The following CNTNAP4 variants were observed in gnomAD, a reference collection of about 807,000 sequenced individuals.
CNTNAP4 encodes contactin associated protein family member 4, also known as contactin-associated protein-like 4.
A neutral mutation model predicts 148.4 loss-of-function variants in CNTNAP4; 98 were observed. The ratio of observed to expected loss-of-function variants is 0.66; its 90% CI spans 0.56 to 0.78. CNTNAP4 has a LOEUF of 0.78. Ranked by LOEUF, CNTNAP4 falls within the 30% of genes least tolerant of loss-of-function variation. The pLI is 0.00. For missense variants in CNTNAP4, 1,935 were observed against 1,565.6 expected (o/e 1.24, Z -3.98); for synonymous variants, 730 against 565.1 (o/e 1.29, Z -4.14).
intron 1 of CNTNAP4, among the ~76,000 whole-genome samples, chr16:76,307,373 G>A (rs1195797144): frequency 6.6e-6 from 1 of 151,724 alleles, no homozygotes; most frequent in Non-Finnish European, 1.5e-5. Flanking sequence ...GCTGAGGTGT[G>A]TGTGATGAAA....
At chr16:76,283,774 A>G (rs1178270364) in intron 1 of CNTNAP4, among the ~76,000 whole-genome samples, 13 of 152,064 alleles carry the variant, frequency 8.5e-5, no homozygotes, top group Admixed American at 8.5e-4. Flanking sequence ...AAGTTTACTT[A>G]TGTAACAAAC....
intron 3 of CNTNAP4, among the ~76,000 whole-genome samples, chr16:76,395,699 C>T (rs537799700): frequency 9.7e-4 from 147 of 152,024 alleles, no homozygotes; most frequent in Admixed American, 2.6e-3. Flanking sequence ...GTAACAGTCA[C>T]CAGCATCACT....
chr16:76,352,325 C>T (rs2011916536), intron 2 of CNTNAP4, among the ~76,000 whole-genome samples: 1 of 152,150 alleles, frequency 6.6e-6, no homozygotes, highest in African/African-American at 2.4e-5. Flanking sequence ...CCATGTCCAT[C>T]ATGTGCCTAT....
chr16:76,511,807 A>T (rs540608314), intron 15 of CNTNAP4, among the ~76,000 whole-genome samples: 68 of 150,638 alleles, frequency 4.5e-4, no homozygotes, highest in African/African-American at 1.6e-3. Context: ...ATAGATAAAA[A>T]TATCGGTATT....
At chr16:76,494,042 C>T (rs948699895) in intron 13 of CNTNAP4, among the ~76,000 whole-genome samples, 2 of 151,468 alleles carry the variant, frequency 1.3e-5, no homozygotes. Flanking sequence ...TTACATTCTT[C>T]TCATGCCCTG....
At chr16:76,329,850 A>T (rs1963349154) in intron 2 of CNTNAP4, among the ~76,000 whole-genome samples, 1 of 152,230 alleles carries the variant, frequency 6.6e-6, no homozygotes, top group African/African-American at 2.4e-5. Flanking sequence ...ATCTGACTGT[A>T]TTAAAATGAA....
chr16:76,373,152 G>T lies in CNTNAP4; in HGVS notation c.390+17641G>T, dbSNP rs558378453. On this transcript the variant is annotated intron_variant, in intron 3 of 23. Transcript: ENST00000611870. ...TAGGTGAATATATTCCACATAAATA[G>T]GTGAATATATTCCACATAAATAGGT... Among the ~76,000 whole-genome samples, 5 of 149,804 alleles carry T rather than the reference G, an allele frequency of 3.3e-5. No individual in the cohort carries two copies. The East Asian group carries it at 9.9e-4, about 30-fold the overall frequency.
chr16:76,291,011 G>A (rs1181189168), intron 1 of CNTNAP4, among the ~76,000 whole-genome samples: 1 of 152,012 alleles, frequency 6.6e-6, no homozygotes, highest in Non-Finnish European at 1.5e-5. Context: ...CTTATAAGGG[G>A]CCAGTCTTAT....
intron 13 of CNTNAP4, among the ~76,000 whole-genome samples, chr16:76,490,536 T>C (rs1282484549): frequency 2.0e-5 from 3 of 152,228 alleles, no homozygotes; most frequent in African/African-American, 4.8e-5. Flanking sequence ...GAGCTAATTC[T>C]TGAAGTCACT....
chr16:76,493,941 C>G (rs924326670), intron 13 of CNTNAP4, among the ~76,000 whole-genome samples: 2 of 152,144 alleles, frequency 1.3e-5, no homozygotes, highest in Admixed American at 1.3e-4. Flanking sequence ...ATCCCAGATT[C>G]TCAGTAGGGC....
chr16:76,340,832 G>T (rs577062844), intron 2 of CNTNAP4, among the ~76,000 whole-genome samples: 1 of 152,202 alleles, frequency 6.6e-6, no homozygotes, highest in South Asian at 2.1e-4. Flanking sequence ...GCTAAAATTT[G>T]ATCAAGGAGA....
At chr16:76,550,641 TTTTTA>T (rs1318661459) in intron 21 of CNTNAP4, among the ~76,000 whole-genome samples, 1 of 150,338 alleles carries the variant, frequency 6.7e-6, no homozygotes, top group Non-Finnish European at 1.5e-5. Flanking sequence ...TTCTTTTTAA[TTTTTA>T]TTTTCTTTTT....
In CNTNAP4 at chr16:76,522,164, G is replaced by A; in HGVS notation, c.2662G>A (p.Ala888Thr). Residue 888 changes from alanine to threonine, a missense_variant, in exon 17 of 24, where the codon GCC becomes ACC. Transcript: ENST00000611870. ...HVRVERNMKEASLQVDQLTPK... is the reference protein window; with the variant it reads ...HVRVERNMKETSLQVDQLTPK... The stretch of plus-strand genomic sequence containing the variant: ...GAGGGTTGAAAGGAACATGAAGGAG[G>A]CCTCCCTTCAAGTGGATCAGCTGAC... 1 of 1,613,888 alleles carries A rather than the reference G, an allele frequency of 6.2e-7. No individual in the cohort carries two copies. The highest frequency in any genetic ancestry group is 8.5e-7 in the Non-Finnish European group (1 of 1,179,848).
At chr16:76,402,782 G>C (rs1009598257) in intron 3 of CNTNAP4, among the ~76,000 whole-genome samples, 6 of 152,094 alleles carry the variant, frequency 3.9e-5, no homozygotes, top group African/African-American at 1.4e-4. Context: ...CTTGATTTCA[G>C]CCTTAATTTC....
intron 17 of CNTNAP4, among the ~76,000 whole-genome samples, chr16:76,522,578 C>A (rs927104083): frequency 5.0e-5 from 7 of 140,080 alleles, no homozygotes; most frequent in African/African-American, 1.8e-4. Flanking sequence ...TGCCGCCCTC[C>A]TTTCTTTCTC....
At chr16:76,535,106 C>A (rs536468637) in intron 17 of CNTNAP4, among the ~76,000 whole-genome samples, 3 of 152,240 alleles carry the variant, frequency 2.0e-5, no homozygotes, top group Admixed American at 1.3e-4. Context: ...ATCAGAAGAT[C>A]TCAAGGACTC....
At chr16:76,484,986 G>C (rs1224281236) in intron 12 of CNTNAP4, among the ~76,000 whole-genome samples, 2 of 152,154 alleles carry the variant, frequency 1.3e-5, no homozygotes, top group Admixed American at 6.5e-5. Flanking sequence ...TCTCTATTTT[G>C]AATGGATAAT....
At chr16:76,294,988 C>G (rs561104434) in intron 1 of CNTNAP4, among the ~76,000 whole-genome samples, 40 of 152,224 alleles carry the variant, frequency 2.6e-4, no homozygotes, top group South Asian at 1.2e-3. Context: ...TATAGGGGGG[C>G]CGGTGTTCTT....
intron 19 of CNTNAP4, among the ~76,000 whole-genome samples, 181 bp downstream of exon 19, chr16:76,538,521 G>T (rs1426027816): frequency 6.6e-6 from 1 of 151,928 alleles, no homozygotes; most frequent in Non-Finnish European, 1.5e-5. Flanking sequence ...TATTTAAAAT[G>T]ATTAAGATGC....
Sources: allele counts gnomAD v4.1 joint callset (sites outside exome capture counted in the v4.1 genomes callset), GRCh38; gene constraint gnomAD v4.1.1; transcripts MANE v1.5; gene names NCBI Gene and HGNC (gene_info 2026-07-23, HGNC 2026-07-21).